NFIA: variants seen among roughly 807,000 people sequenced by gnomAD.
NFIA encodes nuclear factor I A.
NFIA carries 8 observed loss-of-function variants against 62.8 expected under a neutral mutation model. The observed-to-expected ratio is 0.13, with a 90% CI of 0.07 to 0.23. The LOEUF (loss-of-function observed/expected upper bound fraction) is 0.23, where lower values mean the gene tolerates loss of function less well. NFIA is among the 10% of genes least tolerant of loss of function. The pLI is 1.00. For synonymous variants in NFIA, 235 were observed against 238.1 expected (o/e 0.99, Z 0.12); for missense variants, 410 against 642.1 (o/e 0.64, Z 3.91).
At chr1:61,387,477 T>TTTGTTTTG (rs1415882583) in intron 7 of NFIA, among the ~76,000 whole-genome samples, 4 of 130,658 alleles carry the variant, frequency 3.1e-5, no homozygotes, top group Non-Finnish European at 4.9e-5. Flanking sequence ...TCTTTTTTTT[T>TTTGTTTTG]TTTTTTTTTT....
chr1:61,087,252 A>G (rs1276340494), intron 1 of NFIA, among the ~76,000 whole-genome samples: 1 of 152,054 alleles, frequency 6.6e-6, no homozygotes, highest in Non-Finnish European at 1.5e-5. Flanking sequence ...CTGATTCCCT[A>G]TGAGAAAAAT....
chr1:61,426,746 T>A (rs968869083), intron 10 of NFIA, among the ~76,000 whole-genome samples, 190 bp downstream of exon 10: 2 of 152,162 alleles, frequency 1.3e-5, no homozygotes, highest in African/African-American at 4.8e-5. Context: ...AATTTTTGCT[T>A]CTTGTATTGA....
At chr1:61,432,319 A>T (rs1667132236) in intron 10 of NFIA, among the ~76,000 whole-genome samples, 1 of 151,382 alleles carries the variant, frequency 6.6e-6, no homozygotes, top group African/African-American at 2.4e-5. Context: ...AGATAAAATT[A>T]GACTCCTTTA....
At chr1:61,265,008 G>T (rs77884495) in intron 2 of NFIA, among the ~76,000 whole-genome samples, 2 of 152,156 alleles carry the variant, frequency 1.3e-5, no homozygotes, top group Non-Finnish European at 2.9e-5. Context: ...CTACATAAGC[G>T]AATTCACGTG....
chr1:61,154,956 A>C (rs1426245312), intron 2 of NFIA, among the ~76,000 whole-genome samples: 1 of 152,206 alleles, frequency 6.6e-6, no homozygotes. Context: ...TGTTGCTAAA[A>C]GCTTAGGCTC....
At chr1:61,142,546 A>G (rs557508984) in intron 2 of NFIA, among the ~76,000 whole-genome samples, 1 of 152,184 alleles carries the variant, frequency 6.6e-6, no homozygotes, top group Admixed American at 6.5e-5. Context: ...GGATTTTCCT[A>G]TTCCCAAGAG....
Position 61,321,458 on chromosome 1 carries a change from A to G in NFIA, c.626-11054A>G, listed in dbSNP as rs528399550. Among the ~76,000 whole-genome samples the G allele has an allele frequency of 5.9e-5, 9 of 152,170 alleles. No homozygotes were observed. The East Asian group carries it at 1.2e-3, about 20-fold the overall frequency. On this transcript the variant is annotated intron_variant, in intron 3 of 10. Coordinates refer to ENST00000403491, the MANE Select transcript of NFIA (RefSeq NM_001134673.4). Reference sequence around the variant, plus strand: ...GGAAAGGAAGGGAAGGAAGGAAGGAAGGAAGGACGGAAGGATATTTAGCCT... The same window carrying G: ...GGAAAGGAAGGGAAGGAAGGAAGGAGGGAAGGACGGAAGGATATTTAGCCT...
chr1:61,421,554 C>T (rs1228795706), intron 9 of NFIA, among the ~76,000 whole-genome samples: 2 of 152,172 alleles, frequency 1.3e-5, no homozygotes, highest in Non-Finnish European at 2.9e-5. Flanking sequence ...GGTACCTCAT[C>T]GCTTCCTGCA....
chr1:61,317,486 A>G (rs1400255862), intron 3 of NFIA, among the ~76,000 whole-genome samples: 1 of 152,090 alleles, frequency 6.6e-6, no homozygotes, highest in Non-Finnish European at 1.5e-5. Context: ...TAATATGATT[A>G]TATTTAGGAA....
chr1:61,238,059 A>G (rs1019271684), intron 2 of NFIA, among the ~76,000 whole-genome samples: 1 of 152,236 alleles, frequency 6.6e-6, no homozygotes, highest in African/African-American at 2.4e-5. Flanking sequence ...CTTGTAGGAT[A>G]TGATTATAAT....
intron 2 of NFIA, among the ~76,000 whole-genome samples, chr1:61,256,622 A>G (rs764563220): frequency 2.5e-4 from 38 of 152,052 alleles, no homozygotes; most frequent in Admixed American, 2.0e-3. Context: ...CCCAGATTCT[A>G]CCTTTATACT....
At chr1:61,226,287 A>G (rs998747903) in intron 2 of NFIA, among the ~76,000 whole-genome samples, 6 of 152,210 alleles carry the variant, frequency 3.9e-5, no homozygotes, top group Non-Finnish European at 5.9e-5. Context: ...CTGTGTTTTA[A>G]CGAGTCTCCA....
intron 2 of NFIA, among the ~76,000 whole-genome samples, chr1:61,260,763 G>A (rs1352498737): frequency 6.6e-6 from 1 of 151,994 alleles, no homozygotes; most frequent in East Asian, 1.9e-4. Context: ...TGTATTTTTA[G>A]TAGAGACGGG....
intron 2 of NFIA, among the ~76,000 whole-genome samples, chr1:61,130,389 G>A (rs1397290069): frequency 6.6e-6 from 1 of 152,122 alleles, no homozygotes; most frequent in Non-Finnish European, 1.5e-5. Context: ...GTAACTTTCA[G>A]ATCTTCTGTA....
At chr1:61,182,800 G>A (rs1402415599) in intron 2 of NFIA, among the ~76,000 whole-genome samples, 1 of 152,086 alleles carries the variant, frequency 6.6e-6, no homozygotes, top group African/African-American at 2.4e-5. Context: ...TGCAGCATTA[G>A]GGAAAAGTTT....
chr1:61,112,455 T>G (rs923566002), intron 2 of NFIA, among the ~76,000 whole-genome samples: 9 of 152,160 alleles, frequency 5.9e-5, no homozygotes, highest in African/African-American at 2.2e-4. Flanking sequence ...GTGTGTGCAT[T>G]TGCACACATA....
intron 3 of NFIA, among the ~76,000 whole-genome samples, chr1:61,287,409 A>G (rs1366887540): frequency 1.3e-5 from 2 of 152,216 alleles, no homozygotes; most frequent in African/African-American, 2.4e-5. Context: ...ATGGAGGTCG[A>G]AATCTGTGGA....
intron 10 of NFIA, among the ~76,000 whole-genome samples, chr1:61,454,490 A>G (rs1007158515): frequency 3.3e-5 from 5 of 152,238 alleles, no homozygotes; most frequent in African/African-American, 7.2e-5. Context: ...TAAATGCTGC[A>G]TGGACGCAAG....
intron 3 of NFIA, among the ~76,000 whole-genome samples, chr1:61,326,038 T>C (rs1157152118): frequency 1.3e-5 from 2 of 151,850 alleles, no homozygotes; most frequent in Non-Finnish European, 2.9e-5. Context: ...CACATTCCAC[T>C]AAGGTAAGCC....
Sources: allele counts gnomAD v4.1 joint callset (sites outside exome capture counted in the v4.1 genomes callset), GRCh38; gene constraint gnomAD v4.1.1; transcripts MANE v1.5; gene names NCBI Gene and HGNC (gene_info 2026-07-23, HGNC 2026-07-21).